The following CPA4 variants were observed in gnomAD, a reference collection of about 807,000 sequenced individuals.
The protein encoded by CPA4 is carboxypeptidase A3.
CPA4 carries 49 observed loss-of-function variants against 54.7 expected under a neutral mutation model. The observed-to-expected ratio is 0.90, with a 90% confidence interval of 0.71 to 1.14. The LOEUF (loss-of-function observed/expected upper bound fraction) is 1.14, where lower values mean the gene tolerates loss of function less well. Among genes scored for constraint, CPA4 ranks in the 50% most tolerant of loss-of-function variants. CPA4 has a pLI of 0.00. For missense variants in CPA4, 487 were observed against 525.1 expected (o/e 0.93, Z 0.71); for synonymous variants, 215 against 206.8 (o/e 1.04, Z -0.34).
chr7:130,308,720 G>A (rs893899073), intron 8 of CPA4, among the ~76,000 whole-genome samples: 27 of 130,558 alleles, frequency 2.1e-4, no homozygotes, highest in Non-Finnish European at 3.2e-4. Context: ...ACCACGCCCG[G>A]CTATTTTTTT....
At chr7:130,301,035 T>C in intron 4 of CPA4, 121 bp downstream of exon 4, 1 of 678,116 alleles carries the variant, frequency 1.5e-6, no homozygotes. Context: ...GGGGCTAAAA[T>C]GTGTACACTT....
chr7:130,305,899 T>G lies in CPA4; in HGVS notation c.570T>G (p.Thr190=). Residue 190 remains threonine, a synonymous_variant, in exon 6 of 11, where the codon ACT becomes ACG. Transcript: ENST00000222482. ...CCCGAGAGTGGATCTCCCAGGCCACTGCAATCTGGACGGCAAGGAAGGTCA... is the reference window on the plus strand; with the variant it reads ...CCCGAGAGTGGATCTCCCAGGCCACGGCAATCTGGACGGCAAGGAAGGTCA... ...IHSREWISQA[T]AIWTARKIVS... 1.2e-6 allele frequency: 2 copies of G among 1,613,872 alleles called. No homozygotes were observed. The highest frequency in any genetic ancestry group is 1.7e-6 in the Non-Finnish European group (2 of 1,179,830).
Position 130,310,806 on chromosome 7 carries a change from C to T in CPA4, c.813C>T (p.Asn271=). 2 of 1,614,224 alleles carry T rather than the reference C, an allele frequency of 1.2e-6. No individual in the cohort carries two copies. The highest frequency in any genetic ancestry group is 1.7e-6 in the Non-Finnish European group (2 of 1,180,030). Residue 271 remains asparagine (N), a synonymous_variant, in exon 9 of 11, where the codon AAC becomes AAT. Coordinates refer to ENST00000222482, the MANE Select transcript of CPA4 (RefSeq NM_016352.4). This position sits in a 1 kb window ranked among gnomAD's most constrained non-coding sequence, Gnocchi z 4.3. The part of the protein sequence containing the change: ...ASFAGKGASD[N]PCSEVYHGPH... The stretch of plus-strand genomic sequence containing the variant: ...CAACAGGAAAGGGAGCCAGCGACAA[C>T]CCTTGCTCCGAAGTGTACCATGGAC...
chr7:130,303,620 G>A (rs909427709), intron 4 of CPA4, among the ~76,000 whole-genome samples: 6 of 151,968 alleles, frequency 3.9e-5, no homozygotes, highest in Non-Finnish European at 7.4e-5. Flanking sequence ...AAGAGCCTTG[G>A]AGCTCTTTCT....
At chr7:130,296,012 C>T (rs1306313715) in intron 1 of CPA4, among the ~76,000 whole-genome samples, 2 of 152,148 alleles carry the variant, frequency 1.3e-5, no homozygotes, top group Non-Finnish European at 2.9e-5. Flanking sequence ...CTACCCACTA[C>T]CACAACCGCC....
chr7:130,321,829 CA>C (rs1319143938), intron 10 of CPA4, among the ~76,000 whole-genome samples: 2 of 152,318 alleles, frequency 1.3e-5, no homozygotes, highest in Admixed American at 1.3e-4. Flanking sequence ...GTCCCTCCCA[CA>C]ACACATGAGA....
chr7:130,296,721 C>G (rs1383081295), intron 1 of CPA4, among the ~76,000 whole-genome samples: 1 of 84,052 alleles, frequency 1.2e-5, no homozygotes, highest in East Asian at 4.3e-4. Flanking sequence ...GGGTCTTGTT[C>G]TGTCAACCAG....
At chr7:130,311,074 G>T (rs1353494570) in intron 9 of CPA4, 88 bp downstream of exon 9, 5 of 1,026,948 alleles carry the variant, frequency 4.9e-6, no homozygotes, top group South Asian at 1.3e-5. Context: ...TTTATAGGGA[G>T]GGTCCAGGAG....
Position 130,299,301 on chromosome 7 carries a change from A to G in CPA4, c.182A>G (p.Asn61Ser), listed in dbSNP as rs1032880858. 10 of 1,613,772 alleles carry G rather than the reference A, an allele frequency of 6.2e-6. No homozygotes were observed. Among genetic ancestry groups the G allele is most frequent in the Non-Finnish European group, 7.6e-6 (9 of 1,179,696 alleles). The change falls in exon 3 of 11, where the codon AAT becomes AGT. Residue 61 changes from asparagine to serine, a missense_variant. Physicochemically the swap from Asn to Ser is conservative, Grantham distance 46. Coordinates refer to ENST00000222482, the MANE Select transcript of CPA4 (RefSeq NM_016352.4). ...LNFWKSPSSFNRPVDVLVPSV... is the reference protein window; with the variant it reads ...LNFWKSPSSFSRPVDVLVPSV... ...TTCTGGAAATCTCCCTCCTCCTTCA[A>G]TCGGCCTGTGGATGTCCTGGTCCCA...
At chr7:130,306,293 G>T (rs1214878678) in intron 6 of CPA4, 6 of 281,830 alleles carry the variant, frequency 2.1e-5, no homozygotes, top group Middle Eastern at 2.4e-3. Flanking sequence ...TGAGGCAGGA[G>T]AATCCCTTGA....
Position 130,312,049 on chromosome 7 carries a change from G to T in CPA4, c.1005G>T (p.Ala335=). The change falls in exon 10 of 11, where the codon GCG becomes GCT. Residue 335 remains alanine (A), a synonymous_variant. Transcript: ENST00000222482. ...APDAEELDKV[A]RLAAKALASV... is the part of the protein sequence containing the mutation. ...TTCCCCCTTCCCAGGACAAGGTGGC[G>T]AGGCTTGCGGCCAAAGCTCTGGCTT... is the stretch of plus-strand genomic sequence containing the variant. 6.2e-7 allele frequency: 1 copy of T among 1,614,060 alleles called. No homozygotes were observed. The highest frequency in any genetic ancestry group is 8.5e-7 in the Non-Finnish European group (1 of 1,179,940).
At chr7:130,295,310 T>C (rs1793630888) in intron 1 of CPA4, among the ~76,000 whole-genome samples, 1 of 152,184 alleles carries the variant, frequency 6.6e-6, no homozygotes, top group Non-Finnish European at 1.5e-5. Flanking sequence ...AAGCACAGAC[T>C]CCTGTGAGGG....
intron 10 of CPA4, among the ~76,000 whole-genome samples, chr7:130,312,964 A>G (rs1446342385): frequency 6.6e-6 from 1 of 152,150 alleles, no homozygotes; most frequent in African/African-American, 2.4e-5. Flanking sequence ...TCACGCTGAC[A>G]TTACCCACTA....
intron 7 of CPA4, among the ~76,000 whole-genome samples, chr7:130,307,400 G>A (rs1320764076): frequency 2.6e-5 from 4 of 152,090 alleles, no homozygotes; most frequent in Non-Finnish European, 4.4e-5. Context: ...GGGAGGCCGA[G>A]GTGGGCGGAT....
intron 10 of CPA4, among the ~76,000 whole-genome samples, chr7:130,315,928 T>C (rs1320017775): frequency 6.2e-5 from 9 of 144,838 alleles, no homozygotes; most frequent in Admixed American, 6.0e-4. Context: ...AAATGGCTAC[T>C]GTGGAAGAGA....
rs745552935 is a variant in CPA4, at chr7:130,312,075, C to T, written c.1031C>T (p.Ser344Phe). The T allele has an allele frequency of 6.2e-7, 1 of 1,614,080 alleles. No individual in the cohort carries two copies. The highest frequency in any genetic ancestry group is 1.3e-5 in the African/African-American group (1 of 74,928). The change falls in exon 10 of 11, where the codon TCT (serine) becomes TTT (phenylalanine). Residue 344 changes from serine to phenylalanine, a missense_variant. Coordinates refer to ENST00000222482, the MANE Select transcript of CPA4 (RefSeq NM_016352.4). ...AGGCTTGCGGCCAAAGCTCTGGCTT[C>T]TGTGTCGGGCACTGAGTACCAAGTG... is the stretch of plus-strand genomic sequence containing the variant. Reference protein sequence around the residue: ...VARLAAKALASVSGTEYQVGP... With the variant: ...VARLAAKALAFVSGTEYQVGP...
chr7:130,304,622 C>T (rs1257562409), intron 5 of CPA4, 43 bp downstream of exon 5: 4 of 1,148,346 alleles, frequency 3.5e-6, no homozygotes, highest in African/African-American at 3.0e-5. Context: ...GGTCCTCATG[C>T]CCAGGACCCA....
At chr7:130,311,433 G>A (rs969151289) in intron 9 of CPA4, among the ~76,000 whole-genome samples, 5 of 152,060 alleles carry the variant, frequency 3.3e-5, no homozygotes, top group South Asian at 2.1e-4. Flanking sequence ...GTGACTGCAG[G>A]TGGCTGCCCA....
chr7:130,298,430 C>T (rs1334462840), intron 1 of CPA4, among the ~76,000 whole-genome samples: 1 of 152,218 alleles, frequency 6.6e-6, no homozygotes, highest in East Asian at 1.9e-4. Flanking sequence ...AACATAAGGG[C>T]TGTCAGCATT....
Sources: allele counts gnomAD v4.1 joint callset (sites outside exome capture counted in the v4.1 genomes callset), GRCh38; gene constraint gnomAD v4.1.1; non-coding constraint Gnocchi (gnomAD v3.1); transcripts MANE v1.5; gene names NCBI Gene and HGNC (gene_info 2026-07-23, HGNC 2026-07-21).